Variants in MTMR3 observed in about 807,000 individuals in gnomAD.
MTMR3 encodes phosphatidylinositol-3,5-bisphosphate 3-phosphatase MTMR3.
A neutral mutation model predicts 132.4 loss-of-function variants in MTMR3; 32 were observed. The observed-to-expected ratio is 0.24, with a 90% CI of 0.18 to 0.32. The LOEUF is 0.32. MTMR3 is among the 10% of genes least tolerant of loss of function. The pLI is 1.00. For missense variants in MTMR3, 1,216 were observed against 1,489.6 expected, an observed-to-expected ratio of 0.82 and a Z score of 3.02; for synonymous variants, 556 against 550.3, an observed-to-expected ratio of 1.01 and a Z score of -0.14.
intron 5 of MTMR3, chr22:29,983,199 A>T (rs1265229935): frequency 6.6e-6 from 1 of 152,222 alleles, no homozygotes; most frequent in African/African-American, 2.4e-5. Flanking sequence ...AACAATTTGT[A>T]GGGTAAGGAA....
At chr22:29,885,800 C>A (rs977524458) in intron 1 of MTMR3, among the ~76,000 whole-genome samples, 1 of 152,156 alleles carries the variant, frequency 6.6e-6, no homozygotes, top group Non-Finnish European at 1.5e-5. Context: ...TGCTGTAGTT[C>A]TAGTTAACAC....
rs1569030308 is a variant in MTMR3, at chr22:29,971,105, C to A, written c.3+43C>A. The A allele has an allele frequency of 4.5e-6, 7 of 1,571,616 alleles. No homozygotes were observed. In the African/African-American group the frequency reaches 6.9e-5, roughly 16 times the overall value. ...AGAGTAAAAAAAAAAACAAAAAACCCTGTGTCCTGACAATTAAGTGAACAC... is the reference window on the plus strand; with the variant it reads ...AGAGTAAAAAAAAAAACAAAAAACCATGTGTCCTGACAATTAAGTGAACAC... On this transcript the variant is annotated intron_variant, in intron 3 of 19. Transcript: ENST00000401950.
intron 3 of MTMR3, among the ~76,000 whole-genome samples, chr22:29,971,681 C>T (rs2145873429): frequency 6.6e-6 from 1 of 152,168 alleles, no homozygotes; most frequent in South Asian, 2.1e-4. Flanking sequence ...CAGCCCTGCA[C>T]ACCCCCTCCT....
At chr22:30,016,971 C>T (rs1601428619) in intron 15 of MTMR3, 2 of 353,150 alleles carry the variant, frequency 5.7e-6, no homozygotes, top group South Asian at 5.0e-5. Flanking sequence ...TTGGCACTGC[C>T]TCCAGAGCTT....
intron 1 of MTMR3, among the ~76,000 whole-genome samples, chr22:29,954,518 CTT>C (rs1267690991): frequency 6.6e-6 from 1 of 152,140 alleles, no homozygotes; most frequent in Non-Finnish European, 1.5e-5. Flanking sequence ...GAAGAATAGT[CTT>C]TGCCAGCATT....
At chr22:30,010,921 C>T (rs1458085838) in intron 12 of MTMR3, 1 of 152,132 alleles carries the variant, frequency 6.6e-6, no homozygotes, top group Non-Finnish European at 1.5e-5. Flanking sequence ...AGTGGGACTC[C>T]CTACTGTATG....
At chr22:29,991,203 G>A (rs926391034) in intron 6 of MTMR3, 4 of 188,080 alleles carry the variant, frequency 2.1e-5, no homozygotes, top group African/African-American at 7.0e-5. Context: ...CTCCACTCAT[G>A]AAAGAGAATA....
chr22:29,982,211 T>TAAAAAAA (rs71328819), intron 5 of MTMR3: 1 of 41,166 alleles, frequency 2.4e-5, no homozygotes, highest in South Asian at 1.4e-3. Context: ...TCTGTCTCAT[T>TAAAAAAA]AAAAAAAAAA....
intron 1 of MTMR3, among the ~76,000 whole-genome samples, chr22:29,885,265 T>G (rs1379887502): frequency 6.6e-6 from 1 of 152,206 alleles, no homozygotes; most frequent in Non-Finnish European, 1.5e-5. Context: ...GAACTTTTGC[T>G]TTAGGTTGGG....
chr22:29,928,446 A>C (rs147345033), intron 1 of MTMR3, among the ~76,000 whole-genome samples: 252 of 152,230 alleles, frequency 1.7e-3, no homozygotes, highest in Middle Eastern at 6.8e-3. Flanking sequence ...TGGTGGGATT[A>C]CAGGCATGAG....
intron 3 of MTMR3, among the ~76,000 whole-genome samples, chr22:29,975,007 C>T (rs2066603182): frequency 6.6e-6 from 1 of 152,114 alleles, no homozygotes; most frequent in Non-Finnish European, 1.5e-5. Context: ...CACTCTGTCG[C>T]CCGGGTTGGA....
intron 1 of MTMR3, among the ~76,000 whole-genome samples, chr22:29,918,721 C>T (rs2065353718): frequency 6.6e-6 from 1 of 152,184 alleles, no homozygotes; most frequent in Admixed American, 6.5e-5. Flanking sequence ...TAGTCTTCTG[C>T]TTTCTTTGGA....
At chr22:29,900,749 CTG>C (rs1221966141) in intron 1 of MTMR3, among the ~76,000 whole-genome samples, 2 of 152,184 alleles carry the variant, frequency 1.3e-5, no homozygotes, top group African/African-American at 2.4e-5. Flanking sequence ...GGGTCTCACT[CTG>C]TCACCCAGGG....
chr22:29,903,682 C>T (rs1011836528), intron 1 of MTMR3, among the ~76,000 whole-genome samples: 1 of 152,092 alleles, frequency 6.6e-6, no homozygotes, highest in East Asian at 1.9e-4. Context: ...TGTGAGCCAC[C>T]TTGCCCAGCC....
chr22:29,891,789 A>G (rs1264579271), intron 1 of MTMR3, among the ~76,000 whole-genome samples: 1 of 152,082 alleles, frequency 6.6e-6, no homozygotes, highest in Non-Finnish European at 1.5e-5. Flanking sequence ...TTGAGCATTT[A>G]TAGATGCTTG....
At chr22:30,009,230 G>A in intron 12 of MTMR3, 101 bp downstream of exon 12, 1 of 813,774 alleles carries the variant, frequency 1.2e-6, no homozygotes, top group Middle Eastern at 2.3e-4. Flanking sequence ...AAATTAATTT[G>A]GAGCAGTCTT....
intron 1 of MTMR3, among the ~76,000 whole-genome samples, chr22:29,939,759 C>T (rs2065819272): frequency 6.6e-6 from 1 of 152,112 alleles, no homozygotes; most frequent in Non-Finnish European, 1.5e-5. Flanking sequence ...GCAGCTATAA[C>T]TGTTAGTAAT....
chr22:29,932,718 A>G (rs1193717626), intron 1 of MTMR3, among the ~76,000 whole-genome samples: 1 of 152,166 alleles, frequency 6.6e-6, no homozygotes, highest in Non-Finnish European at 1.5e-5. Flanking sequence ...ACCTAATTTA[A>G]CAAATATTTA....
rs765817666 is a variant in MTMR3, at chr22:30,019,912, G to T, written c.2253G>T (p.Arg751Ser). 4 of 1,614,170 alleles carry T rather than the reference G, an allele frequency of 2.5e-6. No homozygotes were observed. The highest frequency in any genetic ancestry group is 3.4e-6 in the Non-Finnish European group (4 of 1,180,016). ...CAGAACTGGGTGATGCTGCTCTGAG[G>T]AGCCATCTGGATATGAGCTGGCCTC... ...QDPELGDAAL[R>S]SHLDMSWPLF... Residue 751 changes from arginine (R) to serine (S), a missense_variant, in exon 17 of 20, where the codon AGG becomes AGT. Physicochemically the swap from Arg to Ser is moderately radical, Grantham distance 110. Transcript: ENST00000401950.
Sources: gnomAD v4.1 joint callset for allele counts (sites outside exome capture counted in the v4.1 genomes callset) on GRCh38, gnomAD v4.1.1 for gene constraint, MANE v1.5 for transcripts, NCBI Gene and HGNC (gene_info 2026-07-23, HGNC 2026-07-21) for gene names.